KIAA0825: variants seen among roughly 807,000 people sequenced by gnomAD.
The protein encoded by KIAA0825 is KIAA0825.
Under a neutral mutation model 147.6 loss-of-function variants are expected in KIAA0825, and 119 were observed. The ratio of observed to expected loss-of-function variants is 0.81; its 90% CI spans 0.69 to 0.94. The LOEUF is 0.94. Among genes scored for constraint, KIAA0825 ranks in the 40% least tolerant of loss-of-function variants. KIAA0825 has a pLI of 0.00. For synonymous variants in KIAA0825, 470 were observed against 518.1 expected (o/e 0.91, Z 1.26); for missense variants, 1,381 against 1,472.7 (o/e 0.94, Z 1.02).
chr5:94,612,149 G>T (rs1789008571), intron 1 of KIAA0825, among the ~76,000 whole-genome samples: 1 of 152,102 alleles, frequency 6.6e-6, no homozygotes, highest in Non-Finnish European at 1.5e-5. Flanking sequence ...AATATAAGAA[G>T]ATAGTGTAAG....
At chr5:94,450,642 T>C (rs1161533228) in intron 13 of KIAA0825, among the ~76,000 whole-genome samples, 2 of 151,950 alleles carry the variant, frequency 1.3e-5, no homozygotes, top group Non-Finnish European at 2.9e-5. Context: ...AAAACCCACA[T>C]GATATAAATA....
chr5:94,361,317 C>T (rs1437815499), intron 20 of KIAA0825, among the ~76,000 whole-genome samples: 1 of 152,160 alleles, frequency 6.6e-6, no homozygotes, highest in African/African-American at 2.4e-5. Flanking sequence ...TGCCATCTCT[C>T]ATGATAAATC....
At chr5:94,402,685 G>A (rs1751537519) in intron 16 of KIAA0825, among the ~76,000 whole-genome samples, 2 of 151,322 alleles carry the variant, frequency 1.3e-5, no homozygotes, top group Admixed American at 1.3e-4. Context: ...CTTAGAGTTA[G>A]AGAAAAAATA....
rs537003389 is a variant in KIAA0825 at position 94,353,779 on chromosome 5, C to G, written c.3710+30589G>C. Among the ~76,000 whole-genome samples the G allele has an allele frequency of 1.4e-4, 21 of 152,078 alleles. 1 individual carries two copies. In the South Asian group the frequency reaches 4.4e-3, roughly 32 times the overall value. On this transcript the variant is annotated intron_variant, in intron 20 of 20. Coordinates refer to ENST00000682413, the MANE Select transcript of KIAA0825 (RefSeq NM_001145678.3). Reference sequence around the variant, plus strand: ...TTGCTAAAAGTTATGCACTGATGTACAGCAAAAGGGTCGGGGGCAGGGACA... The same window carrying G: ...TTGCTAAAAGTTATGCACTGATGTAGAGCAAAAGGGTCGGGGGCAGGGACA...
At chr5:94,536,219 A>G (rs1197966815) in intron 3 of KIAA0825, among the ~76,000 whole-genome samples, 1 of 152,168 alleles carries the variant, frequency 6.6e-6, no homozygotes, top group African/African-American at 2.4e-5. Flanking sequence ...GTAAAGCAGA[A>G]GGAAAAATAT....
At chr5:94,367,535 C>T (rs1033160048) in intron 20 of KIAA0825, among the ~76,000 whole-genome samples, 2 of 151,900 alleles carry the variant, frequency 1.3e-5, no homozygotes, top group African/African-American at 4.8e-5. Flanking sequence ...AAAAAGGAAG[C>T]CTAGAGAAAG....
chr5:94,220,409 T>A (rs1773577822), intron 20 of KIAA0825, among the ~76,000 whole-genome samples: 1 of 151,894 alleles, frequency 6.6e-6, no homozygotes, highest in Non-Finnish European at 1.5e-5. Flanking sequence ...GAAAGTAGAG[T>A]GAAGGAAATA....
intron 1 of KIAA0825, chr5:94,593,144 A>G: frequency 1.3e-6 from 1 of 747,228 alleles, no homozygotes; most frequent in Non-Finnish European, 2.5e-6. Flanking sequence ...ATCACACAAC[A>G]GTTTGCTGGT....
chr5:94,538,543 C>T (rs12332334), intron 2 of KIAA0825, among the ~76,000 whole-genome samples: 23,274 of 152,218 alleles, frequency 0.15, 2,501 homozygotes, highest in African/African-American at 0.3. Context: ...ATGCCATGAA[C>T]GGAGATCACT....
chr5:94,395,488 CT>C (rs771171038), intron 17 of KIAA0825, among the ~76,000 whole-genome samples: 20 of 152,272 alleles, frequency 1.3e-4, no homozygotes, highest in Non-Finnish European at 2.4e-4. Context: ...CATATTTCAA[CT>C]CATCAGGGAC....
intron 12 of KIAA0825, among the ~76,000 whole-genome samples, chr5:94,457,353 G>T (rs1048954834): frequency 3.9e-5 from 6 of 152,176 alleles, no homozygotes; most frequent in African/African-American, 1.4e-4. Flanking sequence ...AGACATAAAA[G>T]AATTTTGATA....
At chr5:94,246,937 T>A (rs1269293245) in intron 20 of KIAA0825, among the ~76,000 whole-genome samples, 1 of 152,172 alleles carries the variant, frequency 6.6e-6, no homozygotes, top group African/African-American at 2.4e-5. Flanking sequence ...GATATACAGT[T>A]TGGAAGGAAA....
chr5:94,314,839 T>A (rs867220009), intron 20 of KIAA0825, among the ~76,000 whole-genome samples: 1 of 151,614 alleles, frequency 6.6e-6, no homozygotes. Flanking sequence ...TAAAAGGGGC[T>A]TCATCTCTCC....
intron 20 of KIAA0825, among the ~76,000 whole-genome samples, chr5:94,295,642 C>G (rs1778100383): frequency 6.6e-6 from 1 of 152,090 alleles, no homozygotes. Flanking sequence ...GATGCTATTC[C>G]TTTCTGTTTG....
intron 5 of KIAA0825, among the ~76,000 whole-genome samples, chr5:94,497,371 T>G (rs1197470386): frequency 6.6e-6 from 1 of 152,168 alleles, no homozygotes; most frequent in Non-Finnish European, 1.5e-5. Context: ...AAACACCAAG[T>G]TCTATCAATG....
chr5:94,608,641 A>C, intron 1 of KIAA0825, among the ~76,000 whole-genome samples: 1 of 145,018 alleles, frequency 6.9e-6, no homozygotes, highest in East Asian at 2.1e-4. Flanking sequence ...GCCAAAAATT[A>C]GTATTAATAC....
At chr5:94,237,377 A>G (rs1187296661) in intron 20 of KIAA0825, among the ~76,000 whole-genome samples, 7 of 152,132 alleles carry the variant, frequency 4.6e-5, no homozygotes, top group African/African-American at 1.7e-4. Context: ...GACTCTTGGG[A>G]TGTCATACGT....
At chr5:94,516,315 T>C (rs1453227857) in intron 5 of KIAA0825, among the ~76,000 whole-genome samples, 2 of 152,100 alleles carry the variant, frequency 1.3e-5, no homozygotes, top group Non-Finnish European at 2.9e-5. Context: ...TAGAATAACA[T>C]AGCACAGCAT....
intron 20 of KIAA0825, among the ~76,000 whole-genome samples, chr5:94,198,698 C>T (rs1468615196): frequency 6.6e-6 from 1 of 152,104 alleles, no homozygotes; most frequent in Non-Finnish European, 1.5e-5. Context: ...CAAACCATGG[C>T]ACATGTACAC....
Sources: gnomAD v4.1 joint callset for allele counts (sites outside exome capture counted in the v4.1 genomes callset) on GRCh38, gnomAD v4.1.1 for gene constraint, MANE v1.5 for transcripts, NCBI Gene and HGNC (gene_info 2026-07-23, HGNC 2026-07-21) for gene names.